Variants in PHACTR4 observed in about 807,000 individuals in gnomAD.
The protein encoded by PHACTR4 is protein phosphatase 1, regulatory subunit 124.
A neutral mutation model predicts 72.7 loss-of-function variants in PHACTR4; 51 were observed. The ratio of observed to expected loss-of-function variants is 0.70; its 90% CI spans 0.56 to 0.89. PHACTR4 has a LOEUF of 0.89. Among genes scored for constraint, PHACTR4 ranks in the 40% least tolerant of loss-of-function variants. PHACTR4 has a pLI of 0.00. For synonymous variants in PHACTR4, 255 were observed against 302.5 expected (o/e 0.84, Z 1.63); for missense variants, 731 against 861.8 (o/e 0.85, Z 1.90).
chr1:28,473,166 C>G (rs1659681000), intron 6 of PHACTR4, among the ~76,000 whole-genome samples: 1 of 150,928 alleles, frequency 6.6e-6, no homozygotes, highest in Admixed American at 6.7e-5. Flanking sequence ...ATCTCAGCTA[C>G]TTGGTAGACT....
At chr1:28,409,736 CT>C (rs1360759945) in intron 2 of PHACTR4, among the ~76,000 whole-genome samples, 2 of 152,018 alleles carry the variant, frequency 1.3e-5, no homozygotes, top group Non-Finnish European at 2.9e-5. Flanking sequence ...AGATTAAGAG[CT>C]TTTGTCTTGC....
intron 13 of PHACTR4, among the ~76,000 whole-genome samples, chr1:28,495,366 C>T (rs771710029): frequency 6.6e-6 from 1 of 151,952 alleles, no homozygotes; most frequent in Non-Finnish European, 1.5e-5. Flanking sequence ...TCTTGGCCTC[C>T]CGAAGTGTTG....
chr1:28,409,588 G>A (rs1360341667), intron 2 of PHACTR4, among the ~76,000 whole-genome samples: 1 of 152,166 alleles, frequency 6.6e-6, no homozygotes, highest in Non-Finnish European at 1.5e-5. Context: ...AGCATTTTCT[G>A]ATCCTTCATC....
intron 2 of PHACTR4, among the ~76,000 whole-genome samples, chr1:28,438,645 TATTA>T (rs1337709389): frequency 6.6e-6 from 1 of 152,218 alleles, no homozygotes; most frequent in Non-Finnish European, 1.5e-5. Flanking sequence ...AAATTCAGTT[TATTA>T]ATTTATCGCT....
chr1:28,395,598 T>G (rs78304722), intron 1 of PHACTR4, among the ~76,000 whole-genome samples: 2,291 of 151,526 alleles, frequency 0.015, 36 homozygotes, highest in Middle Eastern at 0.048. Flanking sequence ...TGTTACATAT[T>G]GAATATTTGT....
chr1:28,381,554 TCCCAAAGTG>T, intron 1 of PHACTR4, among the ~76,000 whole-genome samples: 1 of 151,980 alleles, frequency 6.6e-6, no homozygotes, highest in East Asian at 1.9e-4. Flanking sequence ...CGCCTCAGCC[TCCCAAAGTG>T]CTGGGATTAC....
intron 2 of PHACTR4, among the ~76,000 whole-genome samples, chr1:28,441,005 C>G (rs1240764756): frequency 1.3e-5 from 2 of 152,066 alleles, no homozygotes; most frequent in East Asian, 3.9e-4. Flanking sequence ...CTAGATTTAG[C>G]AAGTCAACTG....
At chr1:28,472,331 C>G (rs538136563) in intron 6 of PHACTR4, among the ~76,000 whole-genome samples, 3 of 152,260 alleles carry the variant, frequency 2.0e-5, no homozygotes, top group Admixed American at 1.3e-4. Flanking sequence ...TGTGGCCTTG[C>G]CTTTTCCTTC....
At chr1:28,388,765 G>A (rs1449049918) in intron 1 of PHACTR4, among the ~76,000 whole-genome samples, 4 of 152,010 alleles carry the variant, frequency 2.6e-5, no homozygotes, top group Non-Finnish European at 5.9e-5. Flanking sequence ...TAGGAGAATC[G>A]CTTGAACCCA....
chr1:28,460,934 G>A lies in PHACTR4; in HGVS notation c.271+642G>A, dbSNP rs746193718. ...GCTGGGATTACAGGCTTGAGCCACC[G>A]CGCCCAGCTCATTTTCTTTTTTGAA... On this transcript the variant is annotated intron_variant, in intron 4 of 13. Transcript: ENST00000373839. 5.3e-5 allele frequency among the ~76,000 whole-genome samples: 8 copies of A among 151,954 alleles called. No homozygotes were observed. In the South Asian group the frequency reaches 1.0e-3, roughly 20 times the overall value.
At chr1:28,392,733 G>C (rs541382252) in intron 1 of PHACTR4, among the ~76,000 whole-genome samples, 2 of 151,624 alleles carry the variant, frequency 1.3e-5, no homozygotes, top group South Asian at 2.1e-4. Context: ...AAAGATGAAA[G>C]TTCTAGACTT....
chr1:28,418,683 G>T (rs1655283411), intron 2 of PHACTR4, among the ~76,000 whole-genome samples: 1 of 152,032 alleles, frequency 6.6e-6, no homozygotes, highest in African/African-American at 2.4e-5. Context: ...CAGGTGCAAT[G>T]GCTCACACCT....
At chr1:28,396,680 C>T (rs1653526590) in intron 1 of PHACTR4, among the ~76,000 whole-genome samples, 1 of 145,682 alleles carries the variant, frequency 6.9e-6, no homozygotes, top group African/African-American at 2.5e-5. Flanking sequence ...TTTTTTGAGA[C>T]GGTGTTTTGT....
chr1:28,419,659 G>A (rs1655383667), intron 2 of PHACTR4, among the ~76,000 whole-genome samples: 1 of 151,978 alleles, frequency 6.6e-6, no homozygotes. Flanking sequence ...AAACTAGAAC[G>A]AAAATGATAT....
chr1:28,491,515 T>A lies in PHACTR4; in HGVS notation c.1879-135T>A. The A allele has an allele frequency of 2.5e-6, 3 of 1,198,480 alleles. No homozygotes were observed. In the South Asian group the frequency reaches 3.9e-5, roughly 16 times the overall value. The allele number at this position is 1,198,480 out of a possible 1,614,324, so 74.2% of individuals were successfully genotyped here. ...AACCATAATCACTGGGGGTGGGACC[T>A]CCAGGGATCAATAGTGTCTAAAGCT... On this transcript the variant is annotated intron_variant, in intron 11 of 13. Transcript: ENST00000373839.
At chr1:28,456,031 A>G (rs1658360427) in intron 2 of PHACTR4, among the ~76,000 whole-genome samples, 1 of 152,100 alleles carries the variant, frequency 6.6e-6, no homozygotes, top group Non-Finnish European at 1.5e-5. Flanking sequence ...TTATGTATCA[A>G]CTATTTTTTT....
chr1:28,403,630 A>G (rs183561221), intron 1 of PHACTR4, among the ~76,000 whole-genome samples: 60 of 152,274 alleles, frequency 3.9e-4, no homozygotes, highest in African/African-American at 1.4e-3. Flanking sequence ...ATACAACTCA[A>G]TGGCTTTTAA....
chr1:28,496,401 C>A, intron 13 of PHACTR4, 133 bp from the exon 14 acceptor site: 1 of 994,710 alleles, frequency 1.0e-6, no homozygotes, highest in Non-Finnish European at 1.6e-6. Context: ...TCAGATGCAA[C>A]AGAAAGGTCA....
At chr1:28,484,509 T>A (rs573898862) in intron 9 of PHACTR4, among the ~76,000 whole-genome samples, 1 of 147,894 alleles carries the variant, frequency 6.8e-6, no homozygotes, top group East Asian at 1.9e-4. Context: ...TGTATATATA[T>A]GTGTGTATGT....
Sources: allele counts gnomAD v4.1 joint callset (sites outside exome capture counted in the v4.1 genomes callset), GRCh38; gene constraint gnomAD v4.1.1; transcripts MANE v1.5; gene names NCBI Gene and HGNC (gene_info 2026-07-23, HGNC 2026-07-21).